TYW1B: variants seen among roughly 807,000 people sequenced by gnomAD.
The protein encoded by TYW1B is S-adenosyl-L-methionine-dependent tRNA 4-demethylwyosine synthase TYW1B.
TYW1B carries 73 observed loss-of-function variants against 86.9 expected under a neutral mutation model. The ratio of observed to expected loss-of-function variants is 0.84; its 90% CI spans 0.70 to 1.02. TYW1B has a LOEUF of 1.02. Among genes scored for constraint, TYW1B ranks in the 50% least tolerant of loss-of-function variants. The pLI, the probability that TYW1B is intolerant of heterozygous loss-of-function variation, is 0.00. For missense variants in TYW1B, 637 were observed against 827.4 expected (o/e 0.77, Z 2.82); for synonymous variants, 248 against 292.8 (o/e 0.85, Z 1.56).
At position 72,721,785 on chromosome 7, in the gene TYW1B, T is replaced by C. The variant is rs564707830; in HGVS notation, c.1192+7037A>G. Among the ~76,000 whole-genome samples, 28 of 152,292 alleles carry C rather than the reference T, an allele frequency of 1.8e-4. 1 individual carries two copies. Among genetic ancestry groups the C allele is most frequent in the African/African-American group, 6.5e-4 (27 of 41,562 alleles). On this transcript the variant is annotated intron_variant, in intron 9 of 13. Transcript: ENST00000620995. Reference sequence around the variant, plus strand: ...TTGGTTAAGCAAGTTTTCTGACATTTTTCTTATTCTGAACATCTTTCTGAT... The same window carrying C: ...TTGGTTAAGCAAGTTTTCTGACATTCTTCTTATTCTGAACATCTTTCTGAT...
intron 12 of TYW1B, among the ~76,000 whole-genome samples, chr7:72,620,418 C>A (rs1418832103): frequency 6.6e-6 from 1 of 151,980 alleles, no homozygotes; most frequent in Non-Finnish European, 1.5e-5. Flanking sequence ...AAACAAAAAC[C>A]AAACAACAAC....
chr7:72,678,984 C>A (rs1813805686), intron 11 of TYW1B, among the ~76,000 whole-genome samples: 4 of 152,024 alleles, frequency 2.6e-5, no homozygotes, highest in Non-Finnish European at 5.9e-5. Flanking sequence ...TGGCTGTAGT[C>A]TGAGCTTCTT....
At chr7:72,803,280 T>C (rs6957619) in intron 5 of TYW1B, among the ~76,000 whole-genome samples, 104,219 of 151,816 alleles carry the variant, frequency 0.69, 36,690 homozygotes, top group Non-Finnish European at 0.77. Context: ...TGAAAGGGCA[T>C]GACGGAGTGG....
At chr7:72,798,368 G>T (rs1788346521) in intron 6 of TYW1B, among the ~76,000 whole-genome samples, 1 of 151,750 alleles carries the variant, frequency 6.6e-6, no homozygotes, top group Admixed American at 6.6e-5. Flanking sequence ...TCCAGCCTGG[G>T]CGACAGAGCA....
chr7:72,636,375 CATTT>C (rs1442498693), intron 11 of TYW1B, among the ~76,000 whole-genome samples: 4 of 152,108 alleles, frequency 2.6e-5, no homozygotes, highest in African/African-American at 4.8e-5. Context: ...TTTATGTACA[CATTT>C]ATTTACTAAA....
At chr7:72,733,914 G>T (rs1554460405) in intron 8 of TYW1B, among the ~76,000 whole-genome samples, 1 of 152,042 alleles carries the variant, frequency 6.6e-6, no homozygotes. Flanking sequence ...AATAGCCAAA[G>T]AAATCCTATG....
intron 3 of TYW1B, among the ~76,000 whole-genome samples, chr7:72,813,010 A>G (rs1237740972): frequency 6.6e-6 from 1 of 151,910 alleles, no homozygotes; most frequent in Admixed American, 6.6e-5. Flanking sequence ...TTTTTTAAAG[A>G]AAGTTTTAGT....
At chr7:72,749,911 T>TG (rs1188282011) in intron 7 of TYW1B, among the ~76,000 whole-genome samples, 2 of 96,420 alleles carry the variant, frequency 2.1e-5, no homozygotes, top group South Asian at 3.5e-4. Flanking sequence ...TGGTTTTTTT[T>TG]GTTTTTTTTT....
At chr7:72,773,312 T>G (rs532132685) in intron 7 of TYW1B, among the ~76,000 whole-genome samples, 1 of 152,196 alleles carries the variant, frequency 6.6e-6, no homozygotes, top group African/African-American at 2.4e-5. Flanking sequence ...CAGAGAGGAT[T>G]TACAATCCTA....
chr7:72,701,007 T>C (rs1187027552), intron 10 of TYW1B, among the ~76,000 whole-genome samples: 2 of 151,334 alleles, frequency 1.3e-5, no homozygotes. Context: ...GAGGTTGCAG[T>C]GAGCTGAGAT....
chr7:72,690,406 C>T (rs749507476), intron 11 of TYW1B, among the ~76,000 whole-genome samples: 98 of 152,326 alleles, frequency 6.4e-4, no homozygotes, highest in African/African-American at 1.9e-3. Context: ...AGCCCACATA[C>T]TCAAGTACCA....
At chr7:72,593,168 T>A (rs1321346062) in intron 13 of TYW1B, among the ~76,000 whole-genome samples, 1 of 151,890 alleles carries the variant, frequency 6.6e-6, no homozygotes, top group Non-Finnish European at 1.5e-5. Context: ...GGCACATGCC[T>A]GTAATCCCAG....
chr7:72,673,915 A>G (rs1813672759), intron 11 of TYW1B, among the ~76,000 whole-genome samples: 1 of 152,180 alleles, frequency 6.6e-6, no homozygotes, highest in Non-Finnish European at 1.5e-5. Context: ...TTTAAAAACA[A>G]AACTCTTTTT....
chr7:72,750,600 G>A (rs1442136509), intron 7 of TYW1B, among the ~76,000 whole-genome samples: 7 of 152,098 alleles, frequency 4.6e-5, no homozygotes, highest in African/African-American at 1.7e-4. Context: ...GTAGGTTGAT[G>A]TCTTTCATCA....
chr7:72,806,196 A>G (rs1554476646), intron 5 of TYW1B, among the ~76,000 whole-genome samples: 1 of 151,244 alleles, frequency 6.6e-6, no homozygotes, highest in Non-Finnish European at 1.5e-5. Context: ...GACTCTAACA[A>G]TGCAAGGATT....
Position 72,575,396 on chromosome 7 carries a change from G to A in TYW1B, c.*102C>T, listed in dbSNP as rs1179328455. 9 of 1,487,656 alleles carry A rather than the reference G, an allele frequency of 6.0e-6. No individual in the cohort carries two copies. In the East Asian group the frequency reaches 2.2e-4, roughly 36 times the overall value. The allele number at this position is 1,487,656 out of a possible 1,614,324, so 92.2% of individuals were successfully genotyped here. A position where few individuals can be genotyped will look rare whatever the true frequency, so the allele number is the denominator to read the frequency against. On this transcript the variant is annotated 3_prime_UTR_variant, in exon 14 of 14. Transcript: ENST00000620995. The stretch of plus-strand genomic sequence containing the variant: ...GCCTTATCGTCTCCTTTGTATGAAA[G>A]TATAATTTACGTAATTCGTCCTTGG...
chr7:72,757,694 T>C (rs961185319), intron 7 of TYW1B, among the ~76,000 whole-genome samples: 5 of 152,102 alleles, frequency 3.3e-5, no homozygotes, highest in Admixed American at 1.3e-4. Context: ...CAAACAGAGC[T>C]GGGGAAGGGC....
In TYW1B at chr7:72,616,798, G is replaced by C. The variant is rs781845331; in HGVS notation, c.1659C>G (p.Thr553=). 3.1e-6 allele frequency: 5 copies of C among 1,614,074 alleles called. No individual in the cohort carries two copies. The South Asian group carries it at 5.5e-5, about 18-fold the overall frequency. The part of the protein sequence containing the change: ...YCRESSASSL[T]MAHVPWHEEV... ...CCTCATGCCAGGGCACATGGGCCATGGTAAGACTGCTTGCTGAACTTTCTC... is the reference window on the plus strand; with the variant it reads ...CCTCATGCCAGGGCACATGGGCCATCGTAAGACTGCTTGCTGAACTTTCTC... The change falls in exon 13 of 14, where the codon ACC becomes ACG. Residue 553 remains threonine, a synonymous_variant. Coordinates refer to ENST00000620995, the MANE Select transcript of TYW1B (RefSeq NM_001145440.3).
intron 10 of TYW1B, among the ~76,000 whole-genome samples, chr7:72,702,342 A>G (rs547916356): frequency 6.6e-6 from 1 of 152,238 alleles, no homozygotes; most frequent in East Asian, 1.9e-4. Flanking sequence ...CCCCTCCCAC[A>G]GCTGCCGGGC....
Sources: allele counts gnomAD v4.1 joint callset (sites outside exome capture counted in the v4.1 genomes callset), GRCh38; gene constraint gnomAD v4.1.1; transcripts MANE v1.5; gene names NCBI Gene and HGNC (gene_info 2026-07-23, HGNC 2026-07-21).